Variants in CUBN observed in about 807,000 individuals in gnomAD.
CUBN encodes 460 kDa receptor.
In CUBN, 282 loss-of-function variants were observed where a neutral mutation model predicts 405.3. The observed-to-expected ratio is 0.70, with a 90% CI of 0.63 to 0.77. CUBN has a LOEUF of 0.77. Among genes scored for constraint, CUBN ranks in the 30% least tolerant of loss-of-function variants. The pLI is 0.00. For missense variants in CUBN, 4,514 were observed against 4,475.2 expected (o/e 1.01, Z -0.25); for synonymous variants, 1,684 against 1,617.0 (o/e 1.04, Z -0.99).
intron 59 of CUBN, among the ~76,000 whole-genome samples, chr10:16,860,300 G>T (rs1839977879): frequency 6.6e-6 from 1 of 152,010 alleles, no homozygotes; most frequent in Admixed American, 6.6e-5. Context: ...AAATAAAAGG[G>T]TTTAAAAACA....
Position 17,044,064 on chromosome 10 carries a change from A to G in CUBN, c.3673-81T>C. 5.0e-6 allele frequency: 4 copies of G among 797,200 alleles called. No homozygotes were observed. The South Asian group carries it at 6.7e-5, about 13-fold the overall frequency. The allele number at this position is 797,200 out of a possible 1,614,324, so 49.4% of individuals were successfully genotyped here. A position where few individuals can be genotyped will look rare whatever the true frequency, so the allele number is the denominator to read the frequency against. On this transcript the variant is annotated intron_variant, in intron 25 of 66. Coordinates refer to ENST00000377833, the MANE Select transcript of CUBN (RefSeq NM_001081.4). ...GACTATAATCCAGAAGAAGTGAGGA[A>G]GAAAAAATATATATATTTATTATGT...
chr10:16,973,978 T>C (rs1374946008), intron 31 of CUBN, among the ~76,000 whole-genome samples: 2 of 152,190 alleles, frequency 1.3e-5, no homozygotes, highest in Non-Finnish European at 2.9e-5. Flanking sequence ...CTCTGACTTC[T>C]AAGTGCATTT....
At chr10:16,989,221 T>G (rs936055977) in intron 29 of CUBN, among the ~76,000 whole-genome samples, 7 of 152,022 alleles carry the variant, frequency 4.6e-5, no homozygotes, top group African/African-American at 1.7e-4. Context: ...TGGAAGATAT[T>G]AAAGTTTGCA....
intron 39 of CUBN, among the ~76,000 whole-genome samples, chr10:16,937,346 G>A (rs955385982): frequency 3.9e-5 from 6 of 152,046 alleles, no homozygotes; most frequent in Admixed American, 6.6e-5. Flanking sequence ...GTAAGTAGAC[G>A]ATCTTATGGA....
At position 16,900,826 on chromosome 10, in the gene CUBN, C is replaced by CAAT. The variant is rs1467591431; in HGVS notation, c.8206_8208dup (p.Ile2736dup). 1 of 1,613,528 alleles carries CAAT rather than the reference C, an allele frequency of 6.2e-7. No individual in the cohort carries two copies. The highest frequency in any genetic ancestry group is 2.2e-5 in the East Asian group (1 of 44,852). On this transcript the variant is annotated inframe_insertion, in exon 53 of 67. Transcript: ENST00000377833. Reference sequence around the variant, plus strand: ...TCCCAAGCACAAGTTGTATGGGGTTCAATATCAAAGTCACTAAATGTGAGC... The same window carrying CAAT: ...TCCCAAGCACAAGTTGTATGGGGTTCAATAATATCAAAGTCACTAAATGTGAGC...
intron 62 of CUBN, 105 bp downstream of exon 62, chr10:16,840,225 A>T (rs189035691): frequency 4.7e-5 from 48 of 1,031,934 alleles, no homozygotes; most frequent in Middle Eastern, 2.4e-4. Context: ...AAGTATAATT[A>T]AAAAAAAGAA....
intron 3 of CUBN, among the ~76,000 whole-genome samples, chr10:17,127,021 T>TA (rs369583640): frequency 6.6e-6 from 1 of 152,134 alleles, no homozygotes; most frequent in African/African-American, 2.4e-5. Context: ...AGTTTTTTTT[T>TA]AAAGTACAAC....
intron 31 of CUBN, among the ~76,000 whole-genome samples, chr10:16,964,402 AAAAGGC>A (rs1285635587): frequency 6.6e-6 from 1 of 152,148 alleles, no homozygotes; most frequent in Non-Finnish European, 1.5e-5. Flanking sequence ...TATGAAGTGA[AAAAGGC>A]AAGATACAAA....
chr10:16,999,484 T>C (rs1357754575), intron 28 of CUBN, among the ~76,000 whole-genome samples: 1 of 152,248 alleles, frequency 6.6e-6, no homozygotes, highest in Non-Finnish European at 1.5e-5. Flanking sequence ...TGCTTACAAT[T>C]CTTCAGGAGA....
chr10:16,951,704 AG>A (rs1188885183), intron 33 of CUBN, among the ~76,000 whole-genome samples: 5 of 152,214 alleles, frequency 3.3e-5, no homozygotes, highest in African/African-American at 1.2e-4. Flanking sequence ...AAAAAAGAAA[AG>A]AAAGTAAGCG....
chr10:17,013,573 T>A (rs151303430), intron 28 of CUBN, among the ~76,000 whole-genome samples: 90 of 152,310 alleles, frequency 5.9e-4, no homozygotes, highest in African/African-American at 1.9e-3. Flanking sequence ...TGGCACTGAG[T>A]GCAATAACTC....
intron 59 of CUBN, among the ~76,000 whole-genome samples, chr10:16,865,336 G>A (rs944564465): frequency 1.3e-5 from 2 of 152,028 alleles, no homozygotes; most frequent in African/African-American, 4.8e-5. Context: ...ATGTGCTTGG[G>A]TATTTTTGCC....
intron 43 of CUBN, among the ~76,000 whole-genome samples, chr10:16,922,621 T>C (rs1229178989): frequency 6.6e-6 from 1 of 152,180 alleles, no homozygotes; most frequent in Admixed American, 6.5e-5. Context: ...ATCACTATTA[T>C]GTTTATCTCT....
chr10:16,835,467 G>A (rs555846310), intron 63 of CUBN, among the ~76,000 whole-genome samples: 25 of 152,238 alleles, frequency 1.6e-4, no homozygotes, highest in African/African-American at 3.9e-4. Flanking sequence ...ACGAATACTC[G>A]AGCATCCTTT....
intron 31 of CUBN, among the ~76,000 whole-genome samples, chr10:16,977,490 CAGGGGGAGGA>C (rs1833133322): frequency 6.6e-6 from 1 of 152,128 alleles, no homozygotes; most frequent in South Asian, 2.1e-4. Flanking sequence ...CAGTGAACTC[CAGGGGGAGGA>C]TCATCTTCCC....
intron 28 of CUBN, among the ~76,000 whole-genome samples, chr10:17,018,015 T>A (rs1226181769): frequency 2.0e-5 from 3 of 152,074 alleles, no homozygotes; most frequent in Non-Finnish European, 4.4e-5. Context: ...ATGGCTTTCC[T>A]CTCTGTCAAC....
intron 52 of CUBN, 140 bp downstream of exon 52, chr10:16,901,198 T>G: frequency 8.3e-7 from 1 of 1,205,076 alleles, no homozygotes; most frequent in Non-Finnish European, 1.2e-6. Flanking sequence ...TGAGAAAATG[T>G]TAGGGAAAAA....
chr10:16,939,548 A>G (rs918518566), intron 37 of CUBN, among the ~76,000 whole-genome samples: 1 of 152,252 alleles, frequency 6.6e-6, no homozygotes, highest in Non-Finnish European at 1.5e-5. Context: ...GAAATAGCCA[A>G]TAATGGAAAA....
At chr10:16,836,857 C>A (rs1839186392) in intron 62 of CUBN, among the ~76,000 whole-genome samples, 1 of 152,190 alleles carries the variant, frequency 6.6e-6, no homozygotes, top group Non-Finnish European at 1.5e-5. Flanking sequence ...CCAGCCGGGG[C>A]CTGTCATGAG....
Sources: allele counts gnomAD v4.1 joint callset (sites outside exome capture counted in the v4.1 genomes callset), GRCh38; gene constraint gnomAD v4.1.1; transcripts MANE v1.5; gene names NCBI Gene and HGNC (gene_info 2026-07-23, HGNC 2026-07-21).